Variants in RIGI observed in about 807,000 individuals in gnomAD.
RIGI encodes the protein antiviral innate immune response receptor RIG-I.
At chr9:32,493,501 G>A in the RIGI span, among the ~76,000 whole-genome samples, 32 of 129,818 alleles carry the variant, frequency 2.5e-4, no homozygotes, top group African/African-American at 9.6e-4. Flanking sequence ...GCACGCACCT[G>A]TAATCCCAGC....
chr9:32,474,476 A>G, the RIGI span, among the ~76,000 whole-genome samples: 1 of 152,184 alleles, frequency 6.6e-6, no homozygotes, highest in Non-Finnish European at 1.5e-5. Context: ...AACAGATGCA[A>G]TGTGGCATCA....
At chr9:32,491,713 C>CAAAAA in the RIGI span, among the ~76,000 whole-genome samples, 1 of 100,454 alleles carries the variant, frequency 1.0e-5, no homozygotes, top group Non-Finnish European at 2.1e-5. Flanking sequence ...TCGTATGCAC[C>CAAAAA]AAAAAAAAAA....
the RIGI span, among the ~76,000 whole-genome samples, chr9:32,505,839 C>A: frequency 6.6e-6 from 1 of 152,080 alleles, no homozygotes; most frequent in African/African-American, 2.4e-5. Context: ...TAGTACACAC[C>A]CATCTATGTC....
the RIGI span, among the ~76,000 whole-genome samples, chr9:32,472,366 C>T: frequency 6.6e-6 from 1 of 152,102 alleles, no homozygotes; most frequent in Non-Finnish European, 1.5e-5. Flanking sequence ...AAGGAAAGAG[C>T]CTGGAGTGGT....
chr9:32,478,564 T>TTGAC, the RIGI span, among the ~76,000 whole-genome samples: 1 of 152,134 alleles, frequency 6.6e-6, no homozygotes, highest in Non-Finnish European at 1.5e-5. Flanking sequence ...GCTTTATTGA[T>TTGAC]TGACTGATTG....
the RIGI span, among the ~76,000 whole-genome samples, chr9:32,496,872 T>C: frequency 6.6e-6 from 1 of 152,194 alleles, no homozygotes; most frequent in Non-Finnish European, 1.5e-5. Flanking sequence ...TTTGAGCATA[T>C]ACTTGAGAAT....
chr9:32,491,152 G>C, the RIGI span: 2 of 801,524 alleles, frequency 2.5e-6, no homozygotes, highest in Non-Finnish European at 3.9e-6. Flanking sequence ...TATAGAAAAA[G>C]TATCTATTGT....
At chr9:32,496,506 T>A in the RIGI span, among the ~76,000 whole-genome samples, 1 of 152,206 alleles carries the variant, frequency 6.6e-6, no homozygotes, top group Non-Finnish European at 1.5e-5. Context: ...GAGCTCATCA[T>A]TTCTTTTGCC....
chr9:32,512,924 T>C, the RIGI span, among the ~76,000 whole-genome samples: 82,475 of 151,188 alleles, frequency 0.55, 23,151 homozygotes, highest in Middle Eastern at 0.68. Context: ...TATACACCAA[T>C]AACAGACAAA....
the RIGI span, among the ~76,000 whole-genome samples, chr9:32,512,365 T>C: frequency 1.3e-5 from 2 of 152,230 alleles, no homozygotes; most frequent in East Asian, 1.9e-4. Context: ...AAAAGCTTAT[T>C]CACCATAATC....
chr9:32,491,387 T>C, the RIGI span: 3 of 1,611,824 alleles, frequency 1.9e-6, no homozygotes, highest in Admixed American at 3.4e-5. Context: ...TTCCATCTTA[T>C]CCTCAAGATC....
At chr9:32,505,899 T>A in the RIGI span, among the ~76,000 whole-genome samples, 1 of 152,208 alleles carries the variant, frequency 6.6e-6, no homozygotes, top group Non-Finnish European at 1.5e-5. Flanking sequence ...AGAAGTATAA[T>A]TCCTCAGTTT....
At chr9:32,459,147 A>G in the RIGI span, among the ~76,000 whole-genome samples, 25 of 152,230 alleles carry the variant, frequency 1.6e-4, 1 homozygote, top group South Asian at 5.0e-3. Flanking sequence ...TGGCCTCCCA[A>G]AGTGTTTTGA....
chr9:32,500,656 A>G, the RIGI span: 9 of 872,814 alleles, frequency 1.0e-5, no homozygotes, highest in African/African-American at 1.2e-4. Context: ...CAATTATATC[A>G]TCTGCCTAAA....
At chr9:32,504,412 T>C in the RIGI span, among the ~76,000 whole-genome samples, 2 of 152,118 alleles carry the variant, frequency 1.3e-5, no homozygotes, top group Non-Finnish European at 2.9e-5. Flanking sequence ...GCACAGTGGC[T>C]CACGCCTGTA....
the RIGI span, among the ~76,000 whole-genome samples, chr9:32,481,983 G>A: frequency 6.6e-6 from 1 of 152,190 alleles, no homozygotes; most frequent in South Asian, 2.1e-4. Context: ...CTGGTGAAAA[G>A]GTGGAAGCAG....
the RIGI span, among the ~76,000 whole-genome samples, chr9:32,461,547 T>C: frequency 6.6e-6 from 1 of 152,214 alleles, no homozygotes; most frequent in Non-Finnish European, 1.5e-5. Context: ...GTGCCTCGTT[T>C]CTTTACATAC....
chr9:32,475,879 G>GAC, the RIGI span, among the ~76,000 whole-genome samples: 1 of 152,140 alleles, frequency 6.6e-6, no homozygotes, highest in Admixed American at 6.5e-5. Context: ...AGAATAAGCA[G>GAC]ACAAGCCACA....
At chr9:32,502,800 C>A in the RIGI span, among the ~76,000 whole-genome samples, 1 of 152,196 alleles carries the variant, frequency 6.6e-6, no homozygotes. Flanking sequence ...CACATCACTC[C>A]AATCTCTGCC....
Sources: allele counts gnomAD v4.1 joint callset (sites outside exome capture counted in the v4.1 genomes callset), GRCh38; gene constraint gnomAD v4.1.1; transcripts MANE v1.5; gene names NCBI Gene and HGNC (gene_info 2026-07-23, HGNC 2026-07-21).